The following SRGAP3 variants were observed in gnomAD, a reference collection of about 807,000 sequenced individuals.
SRGAP3 encodes the protein SLIT-ROBO Rho GTPase-activating protein 3.
SRGAP3 carries 39 observed loss-of-function variants against 121.1 expected under a neutral mutation model. That is an observed-to-expected ratio of 0.32 (90% CI 0.25 to 0.42). The LOEUF is 0.42. Among genes scored for constraint, SRGAP3 ranks in the 10% least tolerant of loss-of-function variants. The pLI is 1.00. For synonymous variants in SRGAP3, 601 were observed against 570.0 expected (o/e 1.05, Z -0.77); for missense variants, 1,213 against 1,470.6 (o/e 0.82, Z 2.86).
chr3:9,231,245 G>C (rs1011421663), intron 1 of SRGAP3, among the ~76,000 whole-genome samples: 11 of 151,914 alleles, frequency 7.2e-5, no homozygotes, highest in African/African-American at 2.7e-4. Context: ...CTGGTGATCT[G>C]GGGGGGCATT....
chr3:9,053,184 T>C lies in SRGAP3; in HGVS notation c.1166A>G (p.Asp389Gly). The part of the protein sequence containing the change: ...TLDATMQTLQ[D>G]MLTVEDFDVS... ...ATCAAAGTCCTCCACAGTCAGCATG[T>C]CCTGTAATGTCTGCATGGTGGCATC... The change falls in exon 9 of 22, where the codon GAC becomes GGC. Residue 389 changes from aspartate to glycine, a missense_variant. By Grantham distance (94) the Asp-to-Gly change is moderately conservative. This residue lies in a region of SRGAP3 where 793 missense variants were observed against 1,032.9 expected (regional missense o/e 0.77). Transcript: ENST00000383836. The C allele has an allele frequency of 6.2e-7, 1 of 1,614,180 alleles. No homozygotes were observed. Among genetic ancestry groups the C allele is most frequent in the Non-Finnish European group, 8.5e-7 (1 of 1,180,026 alleles).
At chr3:9,301,760 G>T (rs551165488) in intron 3 of SRGAP3, among the ~76,000 whole-genome samples, 25 of 152,230 alleles carry the variant, frequency 1.6e-4, no homozygotes, top group Non-Finnish European at 2.6e-4. Flanking sequence ...CATTAACTGC[G>T]TGACCTGGGA....
At chr3:9,119,264 C>T (rs923074665) in intron 2 of SRGAP3, among the ~76,000 whole-genome samples, 2 of 152,208 alleles carry the variant, frequency 1.3e-5, no homozygotes, top group Admixed American at 1.3e-4. Context: ...CATCTGATGG[C>T]TTCTCTCATC....
At chr3:9,022,997 G>A (rs997989403) in intron 14 of SRGAP3, among the ~76,000 whole-genome samples, 1 of 152,196 alleles carries the variant, frequency 6.6e-6, no homozygotes, top group South Asian at 2.1e-4. Flanking sequence ...GACAGGAGGT[G>A]CTGACCTTAG....
Position 9,013,466 on chromosome 3 carries a change from G to A in SRGAP3, c.1989C>T (p.Leu663=), listed in dbSNP as rs151091348. 64 of 1,614,016 alleles carry A rather than the reference G, an allele frequency of 4.0e-5. No homozygotes were observed. The highest frequency in any genetic ancestry group is 5.3e-5 in the Non-Finnish European group (62 of 1,180,038). ...YNLAICFGPT[L]MHIPDGQDPV... is the part of the protein sequence containing the mutation. ...GGTCCTGCCCATCAGGGATGTGCATGAGGGTAGGCCCGAAGCAGATGGCCA... is the reference window on the plus strand; with the variant it reads ...GGTCCTGCCCATCAGGGATGTGCATAAGGGTAGGCCCGAAGCAGATGGCCA... The change falls in exon 17 of 22, where the codon CTC becomes CTT. Residue 663 remains leucine (L), a synonymous_variant. Coordinates refer to ENST00000383836, the MANE Select transcript of SRGAP3 (RefSeq NM_014850.4).
chr3:9,145,335 G>T (rs575952691), intron 1 of SRGAP3, among the ~76,000 whole-genome samples: 1 of 152,058 alleles, frequency 6.6e-6, no homozygotes, highest in Admixed American at 6.5e-5. Context: ...ACCTCAGGTG[G>T]TCCACTTACC....
chr3:9,324,664 T>C (rs1019531117), intron 3 of SRGAP3, among the ~76,000 whole-genome samples: 1 of 151,690 alleles, frequency 6.6e-6, no homozygotes, highest in Admixed American at 6.6e-5. Context: ...TTAGAAAAAT[T>C]CCCCCTTTTG....
At chr3:9,132,925 C>T (rs1487010741) in intron 1 of SRGAP3, among the ~76,000 whole-genome samples, 1 of 150,130 alleles carries the variant, frequency 6.7e-6, no homozygotes. Context: ...CTATCAACCA[C>T]CTAGTTCCCC....
At chr3:9,229,224 G>A (rs1953112478) in intron 1 of SRGAP3, among the ~76,000 whole-genome samples, 1 of 152,156 alleles carries the variant, frequency 6.6e-6, no homozygotes. Context: ...CCCAGACATT[G>A]CACTTCTAAG....
chr3:9,028,205 T>C, intron 12 of SRGAP3: 5 of 1,591,956 alleles, frequency 3.1e-6, no homozygotes, highest in South Asian at 1.1e-5. Context: ...TCAGTTAGAG[T>C]AAGCAGATCC....
chr3:9,147,177 C>T (rs1950053247), intron 1 of SRGAP3, among the ~76,000 whole-genome samples: 1 of 152,192 alleles, frequency 6.6e-6, no homozygotes, highest in Non-Finnish European at 1.5e-5. Context: ...CCCATTTTTA[C>T]TTCTTACTTT....
chr3:9,133,498 T>A (rs147320611), intron 1 of SRGAP3, among the ~76,000 whole-genome samples: 1 of 152,120 alleles, frequency 6.6e-6, no homozygotes, highest in African/African-American at 2.4e-5. Flanking sequence ...AAAGTAATAA[T>A]AATACATCAT....
At chr3:9,332,477 G>C (rs988239653) in intron 1 of SRGAP3, among the ~76,000 whole-genome samples, 1 of 152,138 alleles carries the variant, frequency 6.6e-6, no homozygotes, top group Non-Finnish European at 1.5e-5. Context: ...AAATTCCATG[G>C]TCAGAGAGTG....
At chr3:9,023,936 T>C (rs545264968) in intron 14 of SRGAP3, among the ~76,000 whole-genome samples, 28 of 152,250 alleles carry the variant, frequency 1.8e-4, no homozygotes, top group African/African-American at 6.7e-4. Context: ...GGTCTGTGCC[T>C]GGGGGCCGTG....
At chr3:9,348,288 G>A (rs568421019) in intron 1 of SRGAP3, among the ~76,000 whole-genome samples, 118 of 152,108 alleles carry the variant, frequency 7.8e-4, no homozygotes, top group Non-Finnish European at 1.5e-3. Context: ...AATATGCAAT[G>A]ACTAAGGAAG....
chr3:9,006,344 G>A (rs1228216697), intron 18 of SRGAP3, among the ~76,000 whole-genome samples: 1 of 147,040 alleles, frequency 6.8e-6, no homozygotes, highest in Admixed American at 6.9e-5. Flanking sequence ...AGGCTGCAGT[G>A]AGCCGAGATC....
chr3:9,192,081 A>G (rs574271063), intron 1 of SRGAP3, among the ~76,000 whole-genome samples: 6 of 152,292 alleles, frequency 3.9e-5, no homozygotes, highest in African/African-American at 1.4e-4. Context: ...CTTTATAGCA[A>G]TGCAAGAATG....
At position 9,271,161 on chromosome 3, in the gene SRGAP3, C is replaced by T. The variant is rs191856577; in HGVS notation, n.442+54849G>A. Among the ~76,000 whole-genome samples, 160 of 152,258 alleles carry T rather than the reference C, an allele frequency of 1.1e-3. 1 individual carries two copies. The highest frequency in any genetic ancestry group is 3.5e-3 in the African/African-American group (146 of 41,546). On this transcript the variant is annotated intron_variant and non_coding_transcript_variant, in intron 3 of 3. Transcript: ENST00000490889. ...CAGCCTGGAAAACATGGCAAAACCCCGTTTCTACCTGAAAGTACAAAACTT... is the reference window on the plus strand; with the variant it reads ...CAGCCTGGAAAACATGGCAAAACCCTGTTTCTACCTGAAAGTACAAAACTT...
chr3:9,267,067 T>C (rs1021411146), intron 3 of SRGAP3, among the ~76,000 whole-genome samples: 2 of 152,176 alleles, frequency 1.3e-5, no homozygotes, highest in Admixed American at 1.3e-4. Context: ...ATATATATTT[T>C]GCAAGTAAGG....
Sources: allele counts gnomAD v4.1 joint callset (sites outside exome capture counted in the v4.1 genomes callset), GRCh38; gene constraint gnomAD v4.1.1; regional missense constraint gnomAD v4.1.1; transcripts MANE v1.5; gene names NCBI Gene and HGNC (gene_info 2026-07-23, HGNC 2026-07-21).